FYB1: variants seen among roughly 807,000 people sequenced by gnomAD.
The protein encoded by FYB1 is FYN binding protein 1, also known as FYN-binding protein 1.
FYB1 carries 41 observed loss-of-function variants against 94.1 expected under a neutral mutation model. That is an observed-to-expected ratio of 0.44 (90% CI 0.34 to 0.57). The LOEUF is 0.57. FYB1 is among the 20% of genes least tolerant of loss of function. The pLI is 0.02. For missense variants in FYB1, 1,050 were observed against 976.8 expected (o/e 1.07, Z -1.00); for synonymous variants, 367 against 353.2 (o/e 1.04, Z -0.44).
intron 1 of FYB1, among the ~76,000 whole-genome samples, chr5:39,265,539 C>T (rs897367732): frequency 6.6e-6 from 1 of 151,452 alleles, no homozygotes; most frequent in African/African-American, 2.4e-5. Flanking sequence ...CACCTGTAAT[C>T]CCAGCTACTT....
At chr5:39,170,490 A>C (rs542139245) in intron 2 of FYB1, among the ~76,000 whole-genome samples, 2 of 152,240 alleles carry the variant, frequency 1.3e-5, no homozygotes, top group South Asian at 4.1e-4. Context: ...CCTACATCCA[A>C]TACATGAGAA....
At chr5:39,236,259 CT>C (rs1474136092) in intron 1 of FYB1, among the ~76,000 whole-genome samples, 2 of 151,986 alleles carry the variant, frequency 1.3e-5, no homozygotes, top group Admixed American at 1.3e-4. Flanking sequence ...GAGTAAATCC[CT>C]AATTTCAAGA....
At chr5:39,192,647 A>G (rs1232391552) in intron 2 of FYB1, among the ~76,000 whole-genome samples, 3 of 152,248 alleles carry the variant, frequency 2.0e-5, no homozygotes, top group Non-Finnish European at 4.4e-5. Flanking sequence ...TTCCTTTCAC[A>G]TAACTAAGAA....
upstream of FYB1, among the ~76,000 whole-genome samples, chr5:39,222,191 A>C (rs1200727640): frequency 6.6e-6 from 1 of 152,180 alleles, no homozygotes; most frequent in East Asian, 1.9e-4. Context: ...TTTGTCCCAC[A>C]AGACTGGGTA....
intron 12 of FYB1, among the ~76,000 whole-genome samples, chr5:39,124,975 C>T (rs767524051): frequency 6.9e-5 from 10 of 145,688 alleles, no homozygotes; most frequent in Admixed American, 2.0e-4. Flanking sequence ...AAACACACCA[C>T]GGAAAGAATG....
chr5:39,262,368 A>C (rs1752260970), intron 1 of FYB1, among the ~76,000 whole-genome samples: 2 of 152,352 alleles, frequency 1.3e-5, no homozygotes, highest in South Asian at 4.1e-4. Context: ...GTTTATTGGA[A>C]TGGCTAATAA....
chr5:39,132,146 A>T (rs1741257346), intron 9 of FYB1, among the ~76,000 whole-genome samples: 1 of 152,172 alleles, frequency 6.6e-6, no homozygotes, highest in Non-Finnish European at 1.5e-5. Context: ...AAGCCTCAAA[A>T]CTGCTCCCGG....
At chr5:39,148,820 A>G (rs865817506) in intron 3 of FYB1, among the ~76,000 whole-genome samples, 2 of 152,162 alleles carry the variant, frequency 1.3e-5, no homozygotes. Flanking sequence ...GTCACTTCCC[A>G]TTATTTACTA....
chr5:39,179,551 T>TC (rs1011682825), intron 2 of FYB1, among the ~76,000 whole-genome samples: 1 of 150,306 alleles, frequency 6.7e-6, no homozygotes, highest in Non-Finnish European at 1.5e-5. Flanking sequence ...CTTTTTTCTT[T>TC]TTTTTTTTTT....
In FYB1 at chr5:39,219,475, C is replaced by T. The variant is rs1026426369; in HGVS notation, c.-60G>A. On this transcript the variant is annotated 5_prime_UTR_variant, in exon 1 of 19. Transcript: ENST00000512982. ...CTGCAGAAGAAGGCGGAAGGATGGC[C>T]TCCTTTAGTGGATCTTCCTGGGCCA... 1.0e-6 allele frequency: 1 copy of T among 985,406 alleles called. No homozygotes were observed. The highest frequency in any genetic ancestry group is 1.7e-5 in the African/African-American group (1 of 57,252). The allele number at this position is 985,406 out of a possible 1,614,324, so 61.0% of individuals were successfully genotyped here. A position where few individuals can be genotyped will look rare whatever the true frequency, so the allele number is the denominator to read the frequency against.
intron 1 of FYB1, among the ~76,000 whole-genome samples, chr5:39,205,809 G>C (rs188024497): frequency 1.4e-3 from 218 of 152,164 alleles, no homozygotes; most frequent in Non-Finnish European, 2.5e-3. Context: ...ATCTAGCATG[G>C]TAGTTATCCT....
rs570948289 is a variant in FYB1 at position 39,188,539 on chromosome 5, A to G, written c.1135+13287T>C. Among the ~76,000 whole-genome samples, 252 of 49,514 alleles carry G rather than the reference A, an allele frequency of 5.1e-3. 1 individual carries two copies. The highest frequency in any genetic ancestry group is 7.2e-3 in the Non-Finnish European group (174 of 24,314). 32.5% of individuals were successfully genotyped at this position (49,514 alleles called of 152,430 possible). On this transcript the variant is annotated intron_variant, in intron 2 of 18. Transcript: ENST00000512982. ...TCTAATCCTTCTCATCAACTACAGC[A>G]CTTTTTTTTTTTTTTTTTTTTTGAG...
intron 4 of FYB1, chr5:39,140,076 T>A (rs1742029377): frequency 1.3e-5 from 2 of 152,180 alleles, no homozygotes; most frequent in Non-Finnish European, 1.5e-5. Context: ...GAGAACATTT[T>A]TATTTTCTAG....
chr5:39,234,597 G>A (rs1750878773), intron 1 of FYB1, among the ~76,000 whole-genome samples: 1 of 152,146 alleles, frequency 6.6e-6, no homozygotes, highest in African/African-American at 2.4e-5. Context: ...GTACACATAT[G>A]TTTATTGCAG....
chr5:39,226,288 C>T (rs1460444628), intron 1 of FYB1, among the ~76,000 whole-genome samples: 2 of 152,086 alleles, frequency 1.3e-5, no homozygotes, highest in African/African-American at 2.4e-5. Context: ...CAGTGGCTTC[C>T]GATAGAATTG....
chr5:39,170,989 G>T (rs1202850173), intron 2 of FYB1, among the ~76,000 whole-genome samples: 1 of 152,010 alleles, frequency 6.6e-6, no homozygotes, highest in Non-Finnish European at 1.5e-5. Flanking sequence ...TAAGTAAATT[G>T]CTTAAAAGAA....
At chr5:39,149,200 T>C (rs1328685350) in intron 3 of FYB1, among the ~76,000 whole-genome samples, 1 of 152,190 alleles carries the variant, frequency 6.6e-6, no homozygotes, top group Admixed American at 6.5e-5. Context: ...GTCTGGAATC[T>C]TTTACACTCT....
chr5:39,161,452 T>C (rs891190032), intron 2 of FYB1, among the ~76,000 whole-genome samples: 6 of 152,204 alleles, frequency 3.9e-5, no homozygotes, highest in Non-Finnish European at 8.8e-5. Flanking sequence ...TACTAGTTTC[T>C]TAGGTATATT....
chr5:39,270,383 C>A (rs143157418), intron 1 of FYB1, among the ~76,000 whole-genome samples: 1 of 152,284 alleles, frequency 6.6e-6, no homozygotes, highest in East Asian at 1.9e-4. Flanking sequence ...ACTCTTGAAG[C>A]CATGTCTCTC....
Sources: gnomAD v4.1 joint callset for allele counts (sites outside exome capture counted in the v4.1 genomes callset) on GRCh38, gnomAD v4.1.1 for gene constraint, MANE v1.5 for transcripts, NCBI Gene and HGNC (gene_info 2026-07-23, HGNC 2026-07-21) for gene names.